The following CDH18 variants were observed in gnomAD, a reference collection of about 807,000 sequenced individuals.
The protein encoded by CDH18 is cadherin-18.
CDH18 carries 31 observed loss-of-function variants against 67.9 expected under a neutral mutation model. That is an observed-to-expected ratio of 0.46 (90% CI 0.34 to 0.62). The LOEUF (loss-of-function observed/expected upper bound fraction) is 0.62, where lower values mean the gene tolerates loss of function less well. Ranked by LOEUF, CDH18 falls within the 20% of genes least tolerant of loss-of-function variation. CDH18 has a pLI of 0.01. For synonymous variants in CDH18, 362 were observed against 347.2 expected (o/e 1.04, Z -0.48); for missense variants, 890 against 975.5 (o/e 0.91, Z 1.17).
chr5:19,941,290 T>C (rs184567944), intron 2 of CDH18, among the ~76,000 whole-genome samples: 5 of 152,234 alleles, frequency 3.3e-5, no homozygotes, highest in Non-Finnish European at 5.9e-5. Flanking sequence ...CCTCTAAAAC[T>C]GTGAGAAATG....
At chr5:20,429,603 G>A (rs1451881132) in intron 1 of CDH18, among the ~76,000 whole-genome samples, 3 of 152,070 alleles carry the variant, frequency 2.0e-5, no homozygotes. Context: ...ATGAATGGGG[G>A]GGCAAAAGGA....
chr5:20,514,886 A>T (rs2126498580), intron 1 of CDH18, among the ~76,000 whole-genome samples: 1 of 152,230 alleles, frequency 6.6e-6, no homozygotes, highest in East Asian at 1.9e-4. Flanking sequence ...TGGTGACTTA[A>T]GCATTAGCAG....
chr5:20,369,906 T>C (rs1323540078), intron 1 of CDH18, among the ~76,000 whole-genome samples: 3 of 152,068 alleles, frequency 2.0e-5, no homozygotes, highest in Admixed American at 1.3e-4. Flanking sequence ...ACGTGTAGGG[T>C]GTGCAGGTTT....
intron 1 of CDH18, among the ~76,000 whole-genome samples, chr5:20,377,138 C>G (rs1340147059): frequency 3.9e-5 from 6 of 152,120 alleles, no homozygotes; most frequent in Non-Finnish European, 8.8e-5. Context: ...AGTAGAAACT[C>G]CGTGTAAGGT....
At chr5:19,864,077 ACGTATGTT>A (rs1284855840) in intron 2 of CDH18, among the ~76,000 whole-genome samples, 1 of 151,090 alleles carries the variant, frequency 6.6e-6, no homozygotes, top group Non-Finnish European at 1.5e-5. Flanking sequence ...ACACATGCAC[ACGTATGTT>A]TATTGCGGCA....
intron 8 of CDH18, among the ~76,000 whole-genome samples, chr5:19,564,347 A>C (rs991789114): frequency 6.6e-6 from 1 of 152,256 alleles, no homozygotes; most frequent in South Asian, 2.1e-4. Flanking sequence ...AGAAGTGAGG[A>C]AGGAGTAAAA....
chr5:19,615,486 A>G (rs981565389), intron 5 of CDH18, among the ~76,000 whole-genome samples: 9 of 152,150 alleles, frequency 5.9e-5, no homozygotes, highest in African/African-American at 2.2e-4. Context: ...CAGCCTCCCC[A>G]CTAACAGTAT....
intron 1 of CDH18, among the ~76,000 whole-genome samples, chr5:20,368,736 C>A (rs369727622): frequency 1.9e-3 from 286 of 152,252 alleles, no homozygotes; most frequent in African/African-American, 6.4e-3. Flanking sequence ...GGCATTAGAG[C>A]ACACAAAGCC....
At chr5:20,557,289 T>A (rs1489012533) in intron 1 of CDH18, among the ~76,000 whole-genome samples, 2 of 151,812 alleles carry the variant, frequency 1.3e-5, no homozygotes, top group Non-Finnish European at 2.9e-5. Flanking sequence ...CGTGGAGAGA[T>A]CGGCGAAAAA....
At position 19,755,436 on chromosome 5, in the gene CDH18, T is replaced by TATATATATATAC. The variant is rs1173290310; in HGVS notation, c.229-8201_229-8200insGTATATATATAT. On this transcript the variant is annotated intron_variant, in intron 3 of 12. Coordinates refer to ENST00000382275, the MANE Select transcript of CDH18 (RefSeq NM_004934.5). The stretch of plus-strand genomic sequence containing the variant: ...GGACAGAACTAACAGGGTATGTATA[T>TATATATATATAC]ATATATATATATATATATATATACA... 5.4e-3 allele frequency among the ~76,000 whole-genome samples: 52 copies of TATATATATATAC among 9,638 alleles called. 5 individuals are homozygous for TATATATATATAC. The Non-Finnish European group carries it at 0.062, about 12-fold the overall frequency. 6.3% of individuals were successfully genotyped at this position (9,638 alleles called of 152,430 possible). A position where few individuals can be genotyped will look rare whatever the true frequency, so the allele number is the denominator to read the frequency against.
chr5:20,396,605 G>T (rs1745302608), intron 1 of CDH18, among the ~76,000 whole-genome samples: 1 of 151,088 alleles, frequency 6.6e-6, no homozygotes, highest in South Asian at 2.1e-4. Context: ...CAATGAATCG[G>T]GCAAATAATT....
chr5:20,226,723 G>A (rs569524121), intron 2 of CDH18, among the ~76,000 whole-genome samples: 105 of 151,838 alleles, frequency 6.9e-4, no homozygotes, highest in Non-Finnish European at 6.9e-4. Context: ...CATATAAAGT[G>A]GAATAATTAT....
At chr5:20,293,580 G>T (rs1223214281) in intron 1 of CDH18, among the ~76,000 whole-genome samples, 1 of 152,168 alleles carries the variant, frequency 6.6e-6, no homozygotes, top group Non-Finnish European at 1.5e-5. Flanking sequence ...AATGTTTCAT[G>T]AGGAAAATTA....
intron 2 of CDH18, among the ~76,000 whole-genome samples, chr5:19,962,921 C>T (rs1274371492): frequency 6.6e-6 from 1 of 152,068 alleles, no homozygotes. Flanking sequence ...CATTATTGAG[C>T]TTGCTATCCT....
chr5:20,322,347 T>G lies in CDH18; in HGVS notation c.-579-66842A>C, dbSNP rs537535018. Among the ~76,000 whole-genome samples, 5 of 152,258 alleles carry G rather than the reference T, an allele frequency of 3.3e-5. No homozygotes were observed. In the South Asian group the frequency reaches 1.0e-3, roughly 32 times the overall value. ...AGAGAATGATAACTAAAATTAAAGTTGCTCAAGATCCCAGAAAATAGACAT... is the reference window on the plus strand; with the variant it reads ...AGAGAATGATAACTAAAATTAAAGTGGCTCAAGATCCCAGAAAATAGACAT... On this transcript the variant is annotated intron_variant, in intron 1 of 14. Coordinates refer to the CDH18 transcript ENST00000507958.
chr5:20,281,324 G>T (rs1319542038), intron 1 of CDH18, among the ~76,000 whole-genome samples: 2 of 152,042 alleles, frequency 1.3e-5, no homozygotes, highest in African/African-American at 4.8e-5. Flanking sequence ...TTTCTTCTAG[G>T]GATTTTATGG....
intron 2 of CDH18, among the ~76,000 whole-genome samples, chr5:20,182,842 T>C (rs1278319565): frequency 6.6e-6 from 1 of 151,968 alleles, no homozygotes; most frequent in African/African-American, 2.4e-5. Context: ...AAAAATCTCT[T>C]CTTTGTACAT....
At chr5:20,286,847 A>G (rs1025712628) in intron 1 of CDH18, among the ~76,000 whole-genome samples, 1 of 151,834 alleles carries the variant, frequency 6.6e-6, no homozygotes, top group African/African-American at 2.4e-5. Context: ...AGAGCTTTGC[A>G]CTGAGCACAG....
chr5:20,335,136 AC>A (rs1337564282), intron 1 of CDH18, among the ~76,000 whole-genome samples: 12 of 152,154 alleles, frequency 7.9e-5, no homozygotes, highest in African/African-American at 9.6e-5. Context: ...CAAAGCCCCT[AC>A]AAGGCTTCCT....
Sources: gnomAD v4.1 joint callset for allele counts (sites outside exome capture counted in the v4.1 genomes callset) on GRCh38, gnomAD v4.1.1 for gene constraint, MANE v1.5 for transcripts, NCBI Gene and HGNC (gene_info 2026-07-23, HGNC 2026-07-21) for gene names.